The following AMZ1 variants were observed in gnomAD, a reference collection of about 807,000 sequenced individuals.
The protein encoded by AMZ1 is archaemetzincin-1.
AMZ1 carries 39 observed loss-of-function variants against 29.9 expected under a neutral mutation model. The observed-to-expected ratio is 1.30, with a 90% CI of 1.01 to 1.70. The LOEUF (loss-of-function observed/expected upper bound fraction) is 1.70. Ranked by LOEUF, AMZ1 falls within the 40% of genes most tolerant of loss-of-function variation. The pLI, the probability that AMZ1 is intolerant of heterozygous loss-of-function variation, is 0.00. For missense variants in AMZ1, 1,041 were observed against 680.6 expected (o/e 1.53, Z -5.89); for synonymous variants, 458 against 304.0 (o/e 1.51, Z -5.27).
chr7:2,747,519 C>A (rs928384356), intron 4 of AMZ1, among the ~76,000 whole-genome samples: 1 of 152,132 alleles, frequency 6.6e-6, no homozygotes, highest in African/African-American at 2.4e-5. Context: ...TGGGACGTAT[C>A]TCAAAATAAT....
At chr7:2,683,595 G>A (rs1166013573), upstream of AMZ1, among the ~76,000 whole-genome samples, 1 of 152,010 alleles carries the variant, frequency 6.6e-6, no homozygotes, top group East Asian at 1.9e-4. Context: ...CTGCCACCAC[G>A]CCTGGCTAAT....
upstream of AMZ1, among the ~76,000 whole-genome samples, chr7:2,764,254 T>TC (rs1791709711): frequency 6.6e-6 from 1 of 151,718 alleles, no homozygotes; most frequent in African/African-American, 2.4e-5. Context: ...CTTTTTTTTT[T>TC]TTTTTTTTAA....
At chr7:2,692,324 A>G (rs1011568638) in intron 1 of AMZ1, among the ~76,000 whole-genome samples, 12 of 152,028 alleles carry the variant, frequency 7.9e-5, no homozygotes, top group African/African-American at 2.9e-4. Flanking sequence ...GCGGATCATG[A>G]GGTCAGGAGA....
chr7:2,738,191 A>G (rs798518), intron 4 of AMZ1, among the ~76,000 whole-genome samples: 40,164 of 152,018 alleles, frequency 0.26, 5,668 homozygotes, highest in Non-Finnish European at 0.3. Flanking sequence ...AGGCCGAGGC[A>G]ATCACTTGAG....
chr7:2,734,303 G>C (rs1790048946), intron 4 of AMZ1, among the ~76,000 whole-genome samples: 1 of 152,174 alleles, frequency 6.6e-6, no homozygotes, highest in African/African-American at 2.4e-5. Flanking sequence ...TCCCTTCAAA[G>C]GTAGCGTATT....
chr7:2,688,472 T>G (rs1787184545), intron 1 of AMZ1, among the ~76,000 whole-genome samples, 176 bp downstream of exon 1: 1 of 152,036 alleles, frequency 6.6e-6, no homozygotes, highest in South Asian at 2.1e-4. Flanking sequence ...AAGGGCGCAC[T>G]TGGCGAGGGT....
intron 4 of AMZ1, among the ~76,000 whole-genome samples, chr7:2,751,093 A>G (rs965001122): frequency 1.3e-5 from 2 of 152,116 alleles, no homozygotes; most frequent in African/African-American, 2.4e-5. Context: ...GTTGCTTTAC[A>G]TGCTTATATT....
chr7:2,697,178 C>A (rs1268687422), intron 1 of AMZ1, among the ~76,000 whole-genome samples: 1 of 152,200 alleles, frequency 6.6e-6, no homozygotes, highest in African/African-American at 2.4e-5. Context: ...TCTCGGCTCA[C>A]TGCAACCTCT....
chr7:2,736,372 C>A (rs377492660), intron 4 of AMZ1, among the ~76,000 whole-genome samples: 4 of 152,094 alleles, frequency 2.6e-5, no homozygotes, highest in African/African-American at 9.7e-5. Flanking sequence ...CTTGGACTTG[C>A]GGATTAAATG....
chr7:2,681,722 G>A lies in AMZ1; in HGVS notation c.-219+2051G>A, dbSNP rs192908777. ...CTGGTCCGTGTGTCTTTTCCTGCTG[G>A]AGAAACTACATGTGGGGTTACTCCT... On this transcript the variant is annotated intron_variant, in intron 1 of 6. Coordinates refer to the AMZ1 transcript ENST00000312371. 4.3e-4 allele frequency among the ~76,000 whole-genome samples: 65 copies of A among 152,288 alleles called. 1 individual carries two copies. The East Asian group carries it at 6.0e-3, about 14-fold the overall frequency.
rs569737913 is a variant in AMZ1 at position 2,719,008 on chromosome 7, C to CTTT, written c.*6144_*6146dup. On this transcript the variant is annotated 3_prime_UTR_variant, in exon 7 of 7. Transcript: ENST00000683327. ...GGAGGGAAGCTGCAAGAACAGGCGA[C>CTTT]TTTTTTTTTTTTTTTTCCCCCCCAT... Among the ~76,000 whole-genome samples, 4 of 104,908 alleles carry CTTT rather than the reference C, an allele frequency of 3.8e-5. No homozygotes were observed. Among genetic ancestry groups the CTTT allele is most frequent in the Admixed American group, 1.9e-4 (2 of 10,290 alleles). The allele number at this position is 104,908 out of a possible 152,430, so 68.8% of individuals were successfully genotyped here. A position where few individuals can be genotyped will look rare whatever the true frequency, so the allele number is the denominator to read the frequency against.
upstream of AMZ1, chr7:2,763,295 C>G (rs1028049819): frequency 2.0e-5 from 4 of 198,582 alleles, no homozygotes; most frequent in Non-Finnish European, 2.8e-5. Flanking sequence ...TGCTGTGAGG[C>G]TGAGACACAG....
At chr7:2,693,379 TTGG>T (rs1317070803) in intron 1 of AMZ1, among the ~76,000 whole-genome samples, 1 of 151,538 alleles carries the variant, frequency 6.6e-6, no homozygotes, top group Non-Finnish European at 1.5e-5. Flanking sequence ...CCGTGCCTGG[TTGG>T]TGGGATTGTT....
At chr7:2,682,220 G>A (rs117699335) in intron 1 of AMZ1, among the ~76,000 whole-genome samples, 2,006 of 151,250 alleles carry the variant, frequency 0.013, 22 homozygotes, top group Admixed American at 0.023. Flanking sequence ...GCCTCCCCCC[G>A]CTCTTCGTGC....
chr7:2,726,868 C>T (rs1789641628), intron 4 of AMZ1, among the ~76,000 whole-genome samples: 1 of 152,180 alleles, frequency 6.6e-6, no homozygotes, highest in Non-Finnish European at 1.5e-5. Flanking sequence ...CTGGCTGGAA[C>T]GATAACCCCA....
At chr7:2,738,185 C>T (rs1389133235) in intron 4 of AMZ1, among the ~76,000 whole-genome samples, 8 of 151,884 alleles carry the variant, frequency 5.3e-5, no homozygotes, top group South Asian at 2.1e-4. Context: ...GTTGGGAGGC[C>T]GAGGCAATCA....
upstream of AMZ1, chr7:2,762,721 G>T: frequency 6.4e-7 from 1 of 1,561,396 alleles, no homozygotes; most frequent in South Asian, 1.2e-5. Flanking sequence ...GAGGGAAGCA[G>T]GCCCCATGTC....
Position 2,708,735 on chromosome 7 carries a change from A to T in AMZ1, c.601+19A>T. The T allele has an allele frequency of 6.2e-7, 1 of 1,611,820 alleles. No homozygotes were observed. Among genetic ancestry groups the T allele is most frequent in the East Asian group, 2.2e-5 (1 of 44,884 alleles). On this transcript the variant is annotated intron_variant, in intron 4 of 6. Transcript: ENST00000683327. ...GGGCACGGTGAGCCGGGGCCCCAGC[A>T]GCTGTGCGTGGGGGGTAGCCTGGCA...
At chr7:2,765,136 G>A (rs916135266) in intron 1 of AMZ1, 3 of 150,978 alleles carry the variant, frequency 2.0e-5, no homozygotes, top group Non-Finnish European at 4.4e-5. Context: ...GGGAAAAAAA[G>A]AATCACAGGC....
Sources: allele counts gnomAD v4.1 joint callset (sites outside exome capture counted in the v4.1 genomes callset), GRCh38; gene constraint gnomAD v4.1.1; transcripts MANE v1.5; gene names NCBI Gene and HGNC (gene_info 2026-07-23, HGNC 2026-07-21).